Variants in PPP1R42 observed in about 807,000 individuals in gnomAD.
PPP1R42 encodes protein phosphatase 1 regulatory subunit 42, also known as leucine rich repeat containing 67.
A neutral mutation model predicts 31.0 loss-of-function variants in PPP1R42; 34 were observed. That is an observed-to-expected ratio of 1.10 (90% CI 0.83 to 1.46). The LOEUF is 1.46. Among genes scored for constraint, PPP1R42 ranks in the 40% most tolerant of loss-of-function variants. The pLI is 0.00. For synonymous variants in PPP1R42, 103 were observed against 109.8 expected, an observed-to-expected ratio of 0.94 and a Z score of 0.39; for missense variants, 268 against 303.0, an observed-to-expected ratio of 0.88 and a Z score of 0.86.
intron 1 of PPP1R42, among the ~76,000 whole-genome samples, chr8:67,024,976 T>TG (rs1816350604): frequency 6.6e-6 from 1 of 151,364 alleles, no homozygotes; most frequent in Non-Finnish European, 1.5e-5. Flanking sequence ...GGTTCACTCT[T>TG]GCCCAGGCTG....
chr8:67,008,481 G>A (rs979790771), intron 5 of PPP1R42, among the ~76,000 whole-genome samples: 3 of 152,134 alleles, frequency 2.0e-5, no homozygotes, highest in African/African-American at 4.8e-5. Context: ...GCCGAGGCAG[G>A]TGGATCACCT....
rs762382953 is a variant in PPP1R42 at position 67,013,050 on chromosome 8, A to G, written c.343T>C (p.Leu115=). 11 of 1,611,908 alleles carry G rather than the reference A, an allele frequency of 6.8e-6. No homozygotes were observed. In the South Asian group the frequency reaches 1.2e-4, roughly 18 times the overall value. The part of the protein sequence containing the change: ...YIAVIEGLEG[L]GELRELHVEN... ...ACATGAAGCTCTCTTAGTTCTCCTA[A>G]TCCTTCTAAACCTTCTATGACAGCA... The change falls in exon 4 of 8, where the codon TTA becomes CTA. Residue 115 remains leucine, a synonymous_variant. Coordinates refer to ENST00000685739, the MANE Select transcript of PPP1R42 (RefSeq NM_001364910.1).
chr8:67,014,130 C>A (rs964953513), intron 3 of PPP1R42, among the ~76,000 whole-genome samples: 1 of 152,032 alleles, frequency 6.6e-6, no homozygotes, highest in Non-Finnish European at 1.5e-5. Flanking sequence ...TTAAGACAAC[C>A]CTTCCCCAGA....
At chr8:66,985,299 G>A (rs910413255) in intron 6 of PPP1R42, 11 of 853,366 alleles carry the variant, frequency 1.3e-5, no homozygotes, top group Non-Finnish European at 2.2e-5. Flanking sequence ...GTCAAAAAAG[G>A]TATTGGACTC....
rs1047431382 is a variant in PPP1R42 at position 66,985,357 on chromosome 8, T to C, written c.670+3043A>G. The stretch of plus-strand genomic sequence containing the variant: ...TTTAGCTGTTGCTTGAATGGTTCCC[T>C]CCGAAGAGGGAACAGCACGAATATT... On this transcript the variant is annotated intron_variant, in intron 6 of 7. Coordinates refer to ENST00000685739, the MANE Select transcript of PPP1R42 (RefSeq NM_001364910.1). 22 of 766,358 alleles carry C rather than the reference T, an allele frequency of 2.9e-5. No individual in the cohort carries two copies. The African/African-American group carries it at 3.6e-4, about 13-fold the overall frequency. The allele number at this position is 766,358 out of a possible 1,614,324, so 47.5% of individuals were successfully genotyped here. A position where few individuals can be genotyped will look rare whatever the true frequency, so the allele number is the denominator to read the frequency against.
At chr8:66,987,965 A>G (rs1400883111) in intron 6 of PPP1R42, among the ~76,000 whole-genome samples, 1 of 152,196 alleles carries the variant, frequency 6.6e-6, no homozygotes, top group Non-Finnish European at 1.5e-5. Flanking sequence ...CTCTCCTATC[A>G]AACGAAAGGG....
At chr8:66,981,068 C>G (rs1814818054) in intron 7 of PPP1R42, among the ~76,000 whole-genome samples, 1 of 152,152 alleles carries the variant, frequency 6.6e-6, no homozygotes, top group Admixed American at 6.5e-5. Context: ...TCTTGAACTC[C>G]TGACCTCATG....
chr8:66,966,186 T>C (rs748198965), intron 7 of PPP1R42, among the ~76,000 whole-genome samples: 1 of 152,188 alleles, frequency 6.6e-6, no homozygotes, highest in Non-Finnish European at 1.5e-5. Context: ...GGCCACACCA[T>C]TGTGGAGCTG....
At chr8:67,013,384 G>A (rs1042760066) in intron 3 of PPP1R42, among the ~76,000 whole-genome samples, 5 of 151,768 alleles carry the variant, frequency 3.3e-5, no homozygotes, top group Non-Finnish European at 7.4e-5. Context: ...CGGGTAGATA[G>A]TTTGATAATA....
At chr8:67,010,644 A>G in intron 5 of PPP1R42, 71 bp downstream of exon 5, 1 of 1,010,570 alleles carries the variant, frequency 9.9e-7, no homozygotes, top group Non-Finnish European at 1.5e-6. Flanking sequence ...TTTATTTTAT[A>G]GCTATTACAA....
At chr8:67,002,757 G>T (rs1186479837) in intron 5 of PPP1R42, among the ~76,000 whole-genome samples, 1 of 131,500 alleles carries the variant, frequency 7.6e-6, no homozygotes, top group Non-Finnish European at 1.6e-5. Flanking sequence ...TTTTTTCCGT[G>T]CTTTACTTTG....
chr8:67,016,768 T>C (rs1413921733), intron 2 of PPP1R42, among the ~76,000 whole-genome samples: 3 of 152,192 alleles, frequency 2.0e-5, no homozygotes, highest in Non-Finnish European at 4.4e-5. Flanking sequence ...GGATAAATTC[T>C]TTAGTGGTGA....
intron 7 of PPP1R42, among the ~76,000 whole-genome samples, chr8:66,980,998 A>G (rs926810232): frequency 1.3e-5 from 2 of 151,926 alleles, no homozygotes; most frequent in African/African-American, 4.8e-5. Flanking sequence ...ACCTGCCATC[A>G]TGCCTGGCTA....
chr8:66,981,763 A>G (rs576397809), intron 7 of PPP1R42, among the ~76,000 whole-genome samples: 1 of 152,328 alleles, frequency 6.6e-6, no homozygotes, highest in African/African-American at 2.4e-5. Flanking sequence ...TTTGCCAGGT[A>G]TACAATTATA....
intron 5 of PPP1R42, among the ~76,000 whole-genome samples, chr8:67,009,492 T>C (rs1333576839): frequency 1.3e-5 from 2 of 152,042 alleles, no homozygotes; most frequent in Admixed American, 1.3e-4. Context: ...CACTTGAACC[T>C]GGGAGGCAGA....
intron 1 of PPP1R42, among the ~76,000 whole-genome samples, chr8:67,022,158 T>C (rs978507653): frequency 2.0e-5 from 3 of 152,220 alleles, no homozygotes; most frequent in Non-Finnish European, 4.4e-5. Flanking sequence ...CTCTGCACCA[T>C]TGTTGGCACC....
chr8:67,018,066 C>A (rs2129537048), intron 1 of PPP1R42, among the ~76,000 whole-genome samples: 1 of 151,852 alleles, frequency 6.6e-6, no homozygotes, highest in Non-Finnish European at 1.5e-5. Context: ...ACTTTTAAAT[C>A]TTTTTTTCTT....
At chr8:67,017,915 C>G (rs1471896456) in intron 1 of PPP1R42, 84 bp from the exon 2 acceptor site, 2 of 625,180 alleles carry the variant, frequency 3.2e-6, no homozygotes, top group Non-Finnish European at 4.7e-6. Context: ...AAATAATTCC[C>G]TTATATGAAA....
chr8:67,028,445 C>T, intron 1 of PPP1R42, 46 bp downstream of exon 1: 8 of 979,844 alleles, frequency 8.2e-6, no homozygotes, highest in Non-Finnish European at 8.5e-6. Flanking sequence ...AAACATGGTT[C>T]TAGGGTTTCC....
Sources: gnomAD v4.1 joint callset for allele counts (sites outside exome capture counted in the v4.1 genomes callset) on GRCh38, gnomAD v4.1.1 for gene constraint, MANE v1.5 for transcripts, NCBI Gene and HGNC (gene_info 2026-07-23, HGNC 2026-07-21) for gene names.